Variants in THOC2 observed in about 807,000 individuals in gnomAD.
THOC2 encodes the protein THO complex subunit 2.
THOC2 carries 10 observed loss-of-function variants against 128.4 expected under a neutral mutation model. That is an observed-to-expected ratio of 0.08 (90% CI 0.05 to 0.13). THOC2 has a LOEUF of 0.13. THOC2 is among the 10% of genes least tolerant of loss of function. The pLI is 1.00. For missense variants in THOC2, 535 were observed against 1,155.7 expected, an observed-to-expected ratio of 0.46 and a Z score of 7.79; for synonymous variants, 393 against 396.9, an observed-to-expected ratio of 0.99 and a Z score of 0.12.
At chrX:123,610,687 T>C (rs992460472) in intron 38 of THOC2, among the ~76,000 whole-genome samples, 19 of 111,843 alleles carry the variant, frequency 1.7e-4, no homozygotes, top group African/African-American at 5.2e-4. Flanking sequence ...TTCTTAAATA[T>C]ATCTTGGTGC....
intron 8 of THOC2, among the ~76,000 whole-genome samples, chrX:123,674,907 G>A (rs1031631677): frequency 2.7e-5 from 3 of 111,389 alleles, no homozygotes; most frequent in African/African-American, 6.5e-5. Context: ...TAACCTGGGT[G>A]ATGGGATGAA....
chrX:123,639,618 C>T (rs1364938282), intron 16 of THOC2, among the ~76,000 whole-genome samples: 1 of 110,872 alleles, frequency 9.0e-6, no homozygotes, highest in Non-Finnish European at 1.9e-5. Context: ...ACTATGGGTA[C>T]ACACGGACAT....
At chrX:123,730,174 G>A (rs1031349430) in intron 1 of THOC2, among the ~76,000 whole-genome samples, 23 of 96,775 alleles carry the variant, frequency 2.4e-4, no homozygotes, top group Admixed American at 2.2e-3. Context: ...GTTTTTGTTT[G>A]GGTTTTTGTT....
At chrX:123,616,979 C>T (rs2046918654) in intron 33 of THOC2, among the ~76,000 whole-genome samples, 1 of 110,655 alleles carries the variant, frequency 9.0e-6, no homozygotes, top group Non-Finnish European at 1.9e-5. Flanking sequence ...TTTATAGGTA[C>T]AAGTGACAAG....
chrX:123,690,514 A>G (rs984559643), intron 7 of THOC2, among the ~76,000 whole-genome samples: 2 of 111,263 alleles, frequency 1.8e-5, no homozygotes, highest in African/African-American at 6.6e-5. Flanking sequence ...TTCCCCAAAG[A>G]TAGAAAAAAT....
rs1423678593 is a variant in THOC2, at chrX:123,605,665, C to T, written c.*19-4327G>A. 5.4e-5 allele frequency among the ~76,000 whole-genome samples: 6 copies of T among 111,519 alleles called. No homozygotes were observed. In the East Asian group the frequency reaches 1.7e-3, roughly 31 times the overall value. ...GAGATATTAAATGTTTCTCTGGCAT[C>T]AATGTGAACATTGATGAGTTCCCTA... On this transcript the variant is annotated intron_variant, in intron 38 of 38. Coordinates refer to ENST00000245838, the MANE Select transcript of THOC2 (RefSeq NM_001081550.2).
chrX:123,626,876 A>G (rs1471032141), intron 23 of THOC2, among the ~76,000 whole-genome samples: 1 of 111,623 alleles, frequency 9.0e-6, no homozygotes, highest in Non-Finnish European at 1.9e-5. Flanking sequence ...CATTTGCAAC[A>G]CTGACACTAT....
At chrX:123,703,275 G>A (rs2050777853) in intron 4 of THOC2, among the ~76,000 whole-genome samples, 179 bp downstream of exon 4, 1 of 111,760 alleles carries the variant, frequency 8.9e-6, no homozygotes. Context: ...TACCTCTAAA[G>A]TTTGTTTATA....
intron 12 of THOC2, among the ~76,000 whole-genome samples, chrX:123,657,096 G>A (rs1033801342): frequency 1.8e-5 from 2 of 111,664 alleles, no homozygotes; most frequent in African/African-American, 6.5e-5. Flanking sequence ...AAAAAACACT[G>A]TAACAGAATG....
intron 1 of THOC2, among the ~76,000 whole-genome samples, chrX:123,714,817 G>C (rs1470935426): frequency 9.0e-6 from 1 of 110,983 alleles, no homozygotes. Context: ...AATAAAACTA[G>C]ATATCAATAC....
Position 123,627,682 on chromosome X carries a change from C to T in THOC2, c.2757+11G>A. On this transcript the variant is annotated intron_variant, in intron 23 of 38. Transcript: ENST00000245838. Reference sequence around the variant, plus strand: ...AGTTATTGCACTTGAACTACTAGAACAAAAACCTACCATTTCCTGATTGTC... The same window carrying T: ...AGTTATTGCACTTGAACTACTAGAATAAAAACCTACCATTTCCTGATTGTC... The T allele has an allele frequency of 3.3e-6, 4 of 1,208,811 alleles. No homozygotes were observed. The highest frequency in any genetic ancestry group is 4.5e-6 in the Non-Finnish European group (4 of 893,431).
intron 22 of THOC2, among the ~76,000 whole-genome samples, chrX:123,630,405 G>A (rs915453297): frequency 9.1e-5 from 10 of 110,405 alleles, no homozygotes; most frequent in South Asian, 3.9e-4. Flanking sequence ...CTGAGGTCAG[G>A]AGTTTGAGAC....
At chrX:123,668,450 A>T (rs2049132389) in intron 9 of THOC2, 136 bp from the exon 10 acceptor site, 1 of 391,636 alleles carries the variant, frequency 2.6e-6, no homozygotes, top group South Asian at 7.8e-5. Flanking sequence ...CCTTCTAAGT[A>T]AATTTCAGTT....
intron 28 of THOC2, 166 bp from the exon 29 acceptor site, chrX:123,623,449 G>T: frequency 1.6e-6 from 1 of 612,621 alleles, no homozygotes; most frequent in Non-Finnish European, 2.4e-6. Flanking sequence ...AGAACGCCCA[G>T]CTTTCTTAAA....
intron 7 of THOC2, among the ~76,000 whole-genome samples, chrX:123,693,882 T>A (rs2050334135): frequency 9.0e-6 from 1 of 111,195 alleles, no homozygotes; most frequent in Non-Finnish European, 1.9e-5. Flanking sequence ...AAAATATAGG[T>A]TTAGCCCAAT....
At position 123,616,027 on chromosome X, in the gene THOC2, T is replaced by C. The variant is rs771501456; in HGVS notation, c.4312-1838A>G. 2.7e-5 allele frequency among the ~76,000 whole-genome samples: 3 copies of C among 111,278 alleles called. No individual in the cohort carries two copies. In the South Asian group the frequency reaches 1.1e-3, roughly 42 times the overall value. On this transcript the variant is annotated intron_variant, in intron 33 of 38. Coordinates refer to ENST00000245838, the MANE Select transcript of THOC2 (RefSeq NM_001081550.2). Reference sequence around the variant, plus strand: ...CCCAATGCATTCTATGCTGTGGCTATCACTGCTCCCTAACATCTGTCCTTT... The same window carrying C: ...CCCAATGCATTCTATGCTGTGGCTACCACTGCTCCCTAACATCTGTCCTTT...
chrX:123,715,969 A>AT (rs1475860080), intron 1 of THOC2, among the ~76,000 whole-genome samples: 1 of 111,422 alleles, frequency 9.0e-6, no homozygotes, highest in Admixed American at 9.6e-5. Flanking sequence ...AAAAAGGAAT[A>AT]TAAGAGGCTA....
In THOC2 at chrX:123,698,706, C is replaced by T. The variant is rs181607570; in HGVS notation, c.275-955G>A. ...CCTGGGCAACATGATGAAACCCCGT[C>T]TCTACTAAAAATACAAAAATCAGCT... On this transcript the variant is annotated intron_variant, in intron 4 of 38. Transcript: ENST00000245838. Among the ~76,000 whole-genome samples, 687 of 108,192 alleles carry T rather than the reference C, an allele frequency of 6.3e-3. 4 individuals carry two copies. Among genetic ancestry groups the T allele is most frequent in the African/African-American group, 0.021 (634 of 29,724 alleles). The allele number at this position is 108,192 out of a possible 115,157, so 94.0% of individuals were successfully genotyped here.
At chrX:123,623,382 T>C (rs900740256) in intron 28 of THOC2, 99 bp from the exon 29 acceptor site, 64 of 874,593 alleles carry the variant, frequency 7.3e-5, no homozygotes, top group Non-Finnish European at 9.6e-5. Context: ...CATTCTACTA[T>C]GTGGTTCTAG....
Sources: gnomAD v4.1 joint callset for allele counts (sites outside exome capture counted in the v4.1 genomes callset) on GRCh38, gnomAD v4.1.1 for gene constraint, MANE v1.5 for transcripts, NCBI Gene and HGNC (gene_info 2026-07-23, HGNC 2026-07-21) for gene names.